Variants in KALRN observed in about 807,000 individuals in gnomAD.
The protein encoded by KALRN is kalirin.
In KALRN, 70 loss-of-function variants were observed where a neutral mutation model predicts 353.7. The observed-to-expected ratio is 0.20, with a 90% CI of 0.16 to 0.24. The LOEUF is 0.24. Ranked by LOEUF, KALRN falls within the 10% of genes least tolerant of loss-of-function variation. The pLI, the probability that KALRN is intolerant of heterozygous loss-of-function variation, is 1.00. For missense variants in KALRN, 2,791 were observed against 3,756.7 expected (o/e 0.74, Z 6.72); for synonymous variants, 1,391 against 1,434.8 (o/e 0.97, Z 0.69).
At chr3:124,594,372 T>C (rs1354275105) in intron 34 of KALRN, among the ~76,000 whole-genome samples, 1 of 152,152 alleles carries the variant, frequency 6.6e-6, no homozygotes, top group Non-Finnish European at 1.5e-5. Context: ...ACTACAGGCG[T>C]GCGCCACCAC....
At chr3:124,333,999 T>A (rs57321284) in intron 8 of KALRN, among the ~76,000 whole-genome samples, 25,670 of 152,222 alleles carry the variant, frequency 0.17, 4,089 homozygotes, top group African/African-American at 0.42. Flanking sequence ...GCCCTCACAG[T>A]GCTGAAATTC....
chr3:124,429,394 G>A (rs987569026), intron 15 of KALRN, among the ~76,000 whole-genome samples: 1 of 152,208 alleles, frequency 6.6e-6, no homozygotes, highest in Non-Finnish European at 1.5e-5. Context: ...TGAGGAAGTA[G>A]AGGGGAGAAA....
intron 32 of KALRN, 83 bp from the exon 33 acceptor site, chr3:124,496,228 C>G: frequency 9.8e-7 from 1 of 1,015,312 alleles, no homozygotes; most frequent in Non-Finnish European, 1.5e-6. Context: ...GCTCTGCCCA[C>G]CCAACCGGAA....
intron 1 of KALRN, among the ~76,000 whole-genome samples, chr3:124,110,725 G>A (rs748755427): frequency 2.0e-5 from 3 of 152,182 alleles, no homozygotes; most frequent in Non-Finnish European, 2.9e-5. Context: ...AGATTCCTTC[G>A]ACCTAGGTTG....
intron 1 of KALRN, among the ~76,000 whole-genome samples, chr3:124,101,333 A>G (rs2061845705): frequency 6.6e-6 from 1 of 152,180 alleles, no homozygotes; most frequent in Non-Finnish European, 1.5e-5. Flanking sequence ...AGTATAACTC[A>G]TACTAGGAAG....
intron 3 of KALRN, among the ~76,000 whole-genome samples, chr3:124,243,087 G>A (rs1322672735): frequency 2.0e-5 from 3 of 152,150 alleles, no homozygotes; most frequent in Non-Finnish European, 4.4e-5. Context: ...CCTTGAGTCC[G>A]AGATGTTTCC....
chr3:124,362,156 G>T (rs1259418992), intron 10 of KALRN, among the ~76,000 whole-genome samples: 1 of 152,144 alleles, frequency 6.6e-6, no homozygotes, highest in Non-Finnish European at 1.5e-5. Flanking sequence ...GCATCAAAGA[G>T]CCCTGAGGAA....
intron 34 of KALRN, among the ~76,000 whole-genome samples, chr3:124,589,333 C>A (rs573592275): frequency 6.6e-6 from 1 of 152,324 alleles, no homozygotes; most frequent in African/African-American, 2.4e-5. Context: ...AATTCACCAT[C>A]CACTGTAATC....
chr3:124,383,988 T>C (rs1169320859), intron 10 of KALRN, among the ~76,000 whole-genome samples: 1 of 152,180 alleles, frequency 6.6e-6, no homozygotes, highest in African/African-American at 2.4e-5. Flanking sequence ...TCACCAGCTC[T>C]AAGTCAGGAC....
intron 54 of KALRN, among the ~76,000 whole-genome samples, chr3:124,696,530 T>A (rs2150623206): frequency 6.6e-6 from 1 of 152,240 alleles, no homozygotes; most frequent in East Asian, 1.9e-4. Context: ...ACAATAAAAT[T>A]TACCATCTTA....
At chr3:124,102,832 G>C (rs1486458314) in intron 1 of KALRN, among the ~76,000 whole-genome samples, 6 of 152,206 alleles carry the variant, frequency 3.9e-5, no homozygotes. Flanking sequence ...GGGAACCATT[G>C]ATTATCACAG....
chr3:124,054,285 G>A (rs759619315), intron 1 of KALRN, among the ~76,000 whole-genome samples: 72 of 151,694 alleles, frequency 4.7e-4, no homozygotes, highest in Non-Finnish European at 7.1e-4. Context: ...TACTTTGGGA[G>A]GCCAAGGTGG....
At chr3:124,620,813 A>C (rs1431339595) in intron 34 of KALRN, among the ~76,000 whole-genome samples, 6 of 152,190 alleles carry the variant, frequency 3.9e-5, no homozygotes, top group African/African-American at 9.7e-5. Flanking sequence ...TCTGTCTCTG[A>C]CTCAGACAGA....
intron 3 of KALRN, among the ~76,000 whole-genome samples, chr3:124,253,444 C>A (rs910766258): frequency 1.3e-5 from 2 of 152,158 alleles, no homozygotes; most frequent in Non-Finnish European, 2.9e-5. Flanking sequence ...TTTCTGTCTG[C>A]CTATGGTGAA....
intron 1 of KALRN, among the ~76,000 whole-genome samples, chr3:124,172,545 T>C (rs774175195): frequency 3.4e-4 from 51 of 152,160 alleles, no homozygotes; most frequent in Non-Finnish European, 6.6e-4. Flanking sequence ...CTCTGAAGTC[T>C]TGGGCAAGGC....
intron 31 of KALRN, among the ~76,000 whole-genome samples, chr3:124,492,242 C>G (rs1410865541): frequency 6.6e-6 from 1 of 152,160 alleles, no homozygotes; most frequent in Non-Finnish European, 1.5e-5. Context: ...GATAGCAGTG[C>G]CTTTAGTTAA....
chr3:124,674,849 A>G, intron 49 of KALRN: 1 of 424,298 alleles, frequency 2.4e-6, no homozygotes, highest in Non-Finnish European at 4.1e-6. Context: ...CTTTTGGTTT[A>G]TAATTTTCTG....
chr3:124,663,365 G>A (rs1371808066), intron 45 of KALRN, among the ~76,000 whole-genome samples: 1 of 152,192 alleles, frequency 6.6e-6, no homozygotes, highest in Non-Finnish European at 1.5e-5. Flanking sequence ...GTCACATGCT[G>A]ACATTCTGGG....
chr3:124,681,392 G>A (rs1241126327), intron 51 of KALRN, among the ~76,000 whole-genome samples: 1 of 152,196 alleles, frequency 6.6e-6, no homozygotes, highest in African/African-American at 2.4e-5. Flanking sequence ...GCTGTGGAGT[G>A]CATGAGCAAA....
Sources: allele counts gnomAD v4.1 joint callset (sites outside exome capture counted in the v4.1 genomes callset), GRCh38; gene constraint gnomAD v4.1.1; transcripts MANE v1.5; gene names NCBI Gene and HGNC (gene_info 2026-07-23, HGNC 2026-07-21).